Variants in ZMYND8 observed in about 807,000 individuals in gnomAD.
ZMYND8 encodes the protein zinc finger MYND-type containing 8.
In ZMYND8, 37 loss-of-function variants were observed where a neutral mutation model predicts 140.8. The observed-to-expected ratio is 0.26, with a 90% CI of 0.20 to 0.35. The LOEUF (loss-of-function observed/expected upper bound fraction) is 0.35, where lower values mean the gene tolerates loss of function less well. Ranked by LOEUF, ZMYND8 falls within the 10% of genes least tolerant of loss-of-function variation. The pLI is 1.00. For missense variants in ZMYND8, 1,068 were observed against 1,570.0 expected, an observed-to-expected ratio of 0.68 and a Z score of 5.40; for synonymous variants, 592 against 597.1, an observed-to-expected ratio of 0.99 and a Z score of 0.12.
chr20:47,325,726 C>T (rs747829311), intron 2 of ZMYND8, among the ~76,000 whole-genome samples: 7 of 152,230 alleles, frequency 4.6e-5, no homozygotes, highest in Non-Finnish European at 1.0e-4. Context: ...AGGGGGATAT[C>T]TCAGGAGGTT....
intron 9 of ZMYND8, among the ~76,000 whole-genome samples, chr20:47,282,711 G>GA (rs2076682385): frequency 7.1e-6 from 1 of 139,948 alleles, no homozygotes. Flanking sequence ...GCGACAGATC[G>GA]AAACTCCATC....
chr20:47,226,370 C>G (rs1048962689), intron 18 of ZMYND8, among the ~76,000 whole-genome samples: 2 of 152,246 alleles, frequency 1.3e-5, no homozygotes, highest in African/African-American at 4.8e-5. Context: ...TCTGATACTA[C>G]GTGAGGGGCT....
intron 2 of ZMYND8, 62 bp downstream of exon 2, chr20:47,347,794 A>T: frequency 6.4e-7 from 1 of 1,570,602 alleles, no homozygotes. Context: ...CACTACAACA[A>T]CAAAAAGAAA....
chr20:47,266,323 A>C (rs2075522253), intron 11 of ZMYND8, among the ~76,000 whole-genome samples: 1 of 152,096 alleles, frequency 6.6e-6, no homozygotes. Context: ...CTTGTTGCCC[A>C]GGCTGCAGTG....
At chr20:47,242,612 A>T (rs2147241763) in intron 14 of ZMYND8, among the ~76,000 whole-genome samples, 1 of 152,356 alleles carries the variant, frequency 6.6e-6, no homozygotes, top group Non-Finnish European at 1.5e-5. Flanking sequence ...GGCAACCGCA[A>T]AATGGTCGTT....
chr20:47,210,775 T>C lies in ZMYND8; in HGVS notation c.3691A>G (p.Thr1231Ala), dbSNP rs1338272728. Residue 1231 changes from threonine (T) to alanine (A), a missense_variant, in exon 23 of 23, where the codon ACC becomes GCC. By Grantham distance (58) the Thr-to-Ala change is moderately conservative. This residue lies in a region of ZMYND8 where 180 missense variants were observed against 187.8 expected (regional missense o/e 0.96). Transcript: ENST00000471951. ...CCGATTCACTGCTAGTCCCAGAAGG[T>C]GTCCAGCCGAGACTCTTTCGGGAGG... is the stretch of plus-strand genomic sequence containing the variant. ...SLLPKESRLD[T>A]FWD 1 of 1,614,168 alleles carries C rather than the reference T, an allele frequency of 6.2e-7. No individual in the cohort carries two copies.
chr20:47,255,738 A>ATATATATATATATATATATATATATACTG, intron 12 of ZMYND8, among the ~76,000 whole-genome samples: 1 of 31,678 alleles, frequency 3.2e-5, no homozygotes, highest in South Asian at 1.2e-3. Context: ...ATATATATAT[A>ATATATATATATATATATATATATATACTG]TATATATATA....
intron 4 of ZMYND8, among the ~76,000 whole-genome samples, chr20:47,297,133 C>T (rs142638180): frequency 5.3e-5 from 8 of 152,174 alleles, no homozygotes; most frequent in African/African-American, 1.9e-4. Context: ...CAGAGGAGGG[C>T]GCCGCTGTAC....
chr20:47,263,740 C>T (rs749441000), intron 11 of ZMYND8, among the ~76,000 whole-genome samples: 3 of 152,196 alleles, frequency 2.0e-5, no homozygotes, highest in African/African-American at 7.2e-5. Flanking sequence ...CAAAGAGAGA[C>T]ACTAATAATA....
In ZMYND8 at chr20:47,246,228, G is replaced by T; in HGVS notation, c.2064C>A (p.Ser688Arg). ...CGGAAAAGTCCTTCTCAGGCTCAGGGCTGGCCTTGTCCTTGACTGCTCCAG... is the reference window on the plus strand; with the variant it reads ...CGGAAAAGTCCTTCTCAGGCTCAGGTCTGGCCTTGTCCTTGACTGCTCCAG... ...ADPGAVKDKA[S>R]PEPEKDFSEK... The change falls in exon 14 of 23, where the codon AGC becomes AGA. Residue 688 changes from serine to arginine, a missense_variant. Around this residue, in one of 10 missense-constraint regions of ZMYND8, gnomAD observed 383 missense variants for 431.2 expected, o/e 0.89. Transcript: ENST00000471951. 1.2e-6 allele frequency: 2 copies of T among 1,614,152 alleles called. No homozygotes were observed. Among genetic ancestry groups the T allele is most frequent in the Non-Finnish European group, 1.7e-6 (2 of 1,180,040 alleles).
intron 17 of ZMYND8, 71 bp from the exon 18 acceptor site, chr20:47,227,352 C>A: frequency 6.9e-7 from 1 of 1,439,926 alleles, no homozygotes. Context: ...AGAAGCTCAA[C>A]CACGGCTGGC....
At chr20:47,339,194 G>A (rs1296237240) in intron 2 of ZMYND8, among the ~76,000 whole-genome samples, 1 of 151,696 alleles carries the variant, frequency 6.6e-6, no homozygotes, top group African/African-American at 2.4e-5. Flanking sequence ...AAATGGTCTC[G>A]ATCTCCTGAC....
intron 20 of ZMYND8, 79 bp from the exon 21 acceptor site, chr20:47,220,403 G>A (rs2036772044): frequency 8.4e-7 from 1 of 1,192,372 alleles, no homozygotes; most frequent in South Asian, 1.3e-5. Flanking sequence ...AGGGAGTCAT[G>A]GGGGTGCTCA....
chr20:47,294,514 A>G, intron 5 of ZMYND8, 152 bp downstream of exon 5: 1 of 676,264 alleles, frequency 1.5e-6, no homozygotes, highest in Non-Finnish European at 2.6e-6. Flanking sequence ...GAATGGCATC[A>G]TACCTCATGT....
chr20:47,340,467 C>G (rs1173626762), intron 2 of ZMYND8, among the ~76,000 whole-genome samples: 1 of 151,636 alleles, frequency 6.6e-6, no homozygotes, highest in African/African-American at 2.4e-5. Context: ...TACACTGCAG[C>G]CTGCGCAACA....
At chr20:47,313,450 G>A (rs985831779) in intron 2 of ZMYND8, among the ~76,000 whole-genome samples, 5 of 151,192 alleles carry the variant, frequency 3.3e-5, no homozygotes, top group Non-Finnish European at 7.4e-5. Flanking sequence ...GTGAAACCCC[G>A]TCTCTACCAA....
At chr20:47,291,653 T>A in intron 6 of ZMYND8, 143 bp downstream of exon 6, 1 of 490,352 alleles carries the variant, frequency 2.0e-6, no homozygotes. Context: ...AGTTCTTCTA[T>A]CCAAATAAAG....
intron 2 of ZMYND8, among the ~76,000 whole-genome samples, chr20:47,331,105 A>T (rs987344403): frequency 3.3e-5 from 5 of 152,216 alleles, no homozygotes; most frequent in Non-Finnish European, 5.9e-5. Context: ...GAGAGAATGG[A>T]ACACAGAGAG....
intron 2 of ZMYND8, among the ~76,000 whole-genome samples, chr20:47,316,048 T>C (rs1312699282): frequency 6.6e-6 from 1 of 152,176 alleles, no homozygotes; most frequent in Non-Finnish European, 1.5e-5. Flanking sequence ...GAACCAGGCA[T>C]GAGGCCGGGC....
Sources: gnomAD v4.1 joint callset for allele counts (sites outside exome capture counted in the v4.1 genomes callset) on GRCh38, gnomAD v4.1.1 for gene constraint, gnomAD v4.1.1 regional missense constraint, MANE v1.5 for transcripts, NCBI Gene and HGNC (gene_info 2026-07-23, HGNC 2026-07-21) for gene names.